Variants in MTA3 observed in about 807,000 individuals in gnomAD.
MTA3 encodes metastasis-associated protein MTA3.
A neutral mutation model predicts 83.5 loss-of-function variants in MTA3; 34 were observed. That is an observed-to-expected ratio of 0.41 (90% confidence interval 0.31 to 0.54). The LOEUF is 0.54. MTA3 is among the 20% of genes least tolerant of loss of function. MTA3 has a pLI of 0.33. For synonymous variants in MTA3, 303 were observed against 252.7 expected, an observed-to-expected ratio of 1.20 and a Z score of -1.89; for missense variants, 761 against 726.4, an observed-to-expected ratio of 1.05 and a Z score of -0.55.
intron 14 of MTA3, among the ~76,000 whole-genome samples, chr2:42,710,571 A>C (rs1288420137): frequency 6.6e-6 from 1 of 150,756 alleles, no homozygotes; most frequent in Non-Finnish European, 1.5e-5. Flanking sequence ...AAAAAAAAAA[A>C]AAAGAAAGTG....
chr2:42,653,455 C>G (rs995271341), intron 6 of MTA3, among the ~76,000 whole-genome samples: 2 of 152,054 alleles, frequency 1.3e-5, no homozygotes, highest in Non-Finnish European at 2.9e-5. Context: ...TAAGTTAATT[C>G]AAGAGCTTTT....
intron 16 of MTA3, among the ~76,000 whole-genome samples, chr2:42,737,822 A>T (rs1668720706): frequency 1.3e-5 from 2 of 152,230 alleles, no homozygotes. Context: ...TTTCCACCGA[A>T]TGAATACAGG....
Position 42,755,044 on chromosome 2 carries a change from A to G in MTA3, c.*1645A>G. ...TGAGGGTGGGGCCTGTGTCAGAAGC[A>G]TTTGGTGAGAGGGGTGGAGGTGGCA... On this transcript the variant is annotated 3_prime_UTR_variant, in exon 17 of 17. Transcript: ENST00000405094. 4.1e-6 allele frequency: 4 copies of G among 985,552 alleles called. No homozygotes were observed. Among genetic ancestry groups the G allele is most frequent in the Non-Finnish European group, 4.8e-6 (4 of 830,110 alleles). 61.1% of individuals were successfully genotyped at this position (985,552 alleles called of 1,614,324 possible). A position where few individuals can be genotyped will look rare whatever the true frequency, so the allele number is the denominator to read the frequency against.
At chr2:42,738,931 C>T (rs1668814404) in intron 16 of MTA3, among the ~76,000 whole-genome samples, 1 of 152,160 alleles carries the variant, frequency 6.6e-6, no homozygotes, top group African/African-American at 2.4e-5. Flanking sequence ...GATCTCAAAA[C>T]CCTGTCTCCT....
intron 15 of MTA3, 82 bp downstream of exon 15, chr2:42,719,156 C>G: frequency 9.8e-7 from 1 of 1,015,524 alleles, no homozygotes; most frequent in Admixed American, 2.1e-5. Flanking sequence ...ATGGACATAC[C>G]TAAACTAATT....
At chr2:42,734,519 T>C (rs1175028118) in intron 16 of MTA3, among the ~76,000 whole-genome samples, 3 of 150,948 alleles carry the variant, frequency 2.0e-5, no homozygotes, top group Non-Finnish European at 3.0e-5. Context: ...TTATGTCTTT[T>C]GGTTGGAGAG....
chr2:42,561,957 C>G (rs1203401378), intron 2 of MTA3, among the ~76,000 whole-genome samples: 1 of 152,152 alleles, frequency 6.6e-6, no homozygotes, highest in African/African-American at 2.4e-5. Context: ...CATTCTCTCA[C>G]AGTTCTACAG....
At chr2:42,538,430 G>A (rs977002305) in intron 2 of MTA3, among the ~76,000 whole-genome samples, 10 of 150,620 alleles carry the variant, frequency 6.6e-5, no homozygotes, top group African/African-American at 2.2e-4. Context: ...ATGTTAGGCC[G>A]GGTGCGGTGG....
At chr2:42,590,932 G>C (rs1381253116) in intron 3 of MTA3, among the ~76,000 whole-genome samples, 11 of 152,026 alleles carry the variant, frequency 7.2e-5, no homozygotes, top group Non-Finnish European at 1.3e-4. Flanking sequence ...CACACTTTGA[G>C]GTACTGTAAT....
intron 2 of MTA3, chr2:42,532,805 C>T: frequency 2.6e-6 from 1 of 383,972 alleles, no homozygotes; most frequent in African/African-American, 2.1e-5. Context: ...GCTCGGGCTC[C>T]TTCCCATTGG....
intron 3 of MTA3, among the ~76,000 whole-genome samples, chr2:42,596,271 A>G (rs1273105148): frequency 6.6e-6 from 1 of 152,194 alleles, no homozygotes; most frequent in Non-Finnish European, 1.5e-5. Flanking sequence ...CCAGGGCCCA[A>G]CCAAGATACT....
At chr2:42,629,342 G>A (rs1054378626) in intron 4 of MTA3, among the ~76,000 whole-genome samples, 2 of 152,096 alleles carry the variant, frequency 1.3e-5, no homozygotes, top group Non-Finnish European at 2.9e-5. Context: ...GCCTCCCAAA[G>A]TGCTGGGATT....
Position 42,640,244 on chromosome 2 carries a change from ACAAT to A in MTA3, c.381+11_381+14del, listed in dbSNP as rs1687587824. The A allele has an allele frequency of 6.3e-7, 1 of 1,593,512 alleles. No homozygotes were observed. The highest frequency in any genetic ancestry group is 2.2e-5 in the East Asian group (1 of 44,592). On this transcript the variant is annotated intron_variant, in intron 5 of 16. Coordinates refer to ENST00000405094, the MANE Select transcript of MTA3 (RefSeq NM_001330442.2). ...TCATATCTTGATAAGGAGGTAATTCACAATCATAGTTGTTTTGTTTTTTTCTCCC... is the reference window on the plus strand; with the variant it reads ...TCATATCTTGATAAGGAGGTAATTCACATAGTTGTTTTGTTTTTTTCTCCC...
At chr2:42,718,133 C>T (rs886269049) in intron 14 of MTA3, among the ~76,000 whole-genome samples, 3 of 135,750 alleles carry the variant, frequency 2.2e-5, no homozygotes, top group Non-Finnish European at 4.6e-5. Context: ...TAGGGGTTAA[C>T]GAGTTCTTTT....
At position 42,714,637 on chromosome 2, in the gene MTA3, T is replaced by C. The variant is rs182267082; in HGVS notation, c.1526-4351T>C. 1.9e-4 allele frequency among the ~76,000 whole-genome samples: 29 copies of C among 152,304 alleles called. No homozygotes were observed. The East Asian group carries it at 4.2e-3, about 22-fold the overall frequency. Reference sequence around the variant, plus strand: ...TTTCTAGGTTAACCCCAAGGAAATATAGATCATCCTCTAGGACAGTGGTCC... The same window carrying C: ...TTTCTAGGTTAACCCCAAGGAAATACAGATCATCCTCTAGGACAGTGGTCC... On this transcript the variant is annotated intron_variant, in intron 14 of 16. Transcript: ENST00000405094.
At chr2:42,629,183 A>C (rs1215643597) in intron 4 of MTA3, among the ~76,000 whole-genome samples, 2 of 152,116 alleles carry the variant, frequency 1.3e-5, no homozygotes, top group Admixed American at 1.3e-4. Context: ...AGGTTCAAGC[A>C]ATTCTCCTGC....
chr2:42,555,858 G>A (rs1339519174), intron 2 of MTA3, among the ~76,000 whole-genome samples: 1 of 152,036 alleles, frequency 6.6e-6, no homozygotes, highest in East Asian at 1.9e-4. Context: ...GATCACCTGA[G>A]GTCAGGAGTT....
intron 12 of MTA3, 118 bp downstream of exon 12, chr2:42,704,436 C>G (rs1665888675): frequency 8.4e-7 from 1 of 1,192,940 alleles, no homozygotes; most frequent in African/African-American, 1.5e-5. Flanking sequence ...AAGCATGTCT[C>G]CTCTAAATGA....
At chr2:42,549,486 A>G (rs1161385119) in intron 2 of MTA3, among the ~76,000 whole-genome samples, 1 of 37,334 alleles carries the variant, frequency 2.7e-5, no homozygotes, top group Non-Finnish European at 3.7e-5. Flanking sequence ...TATATATTTA[A>G]ATTATATATT....
Sources: gnomAD v4.1 joint callset for allele counts (sites outside exome capture counted in the v4.1 genomes callset) on GRCh38, gnomAD v4.1.1 for gene constraint, MANE v1.5 for transcripts, NCBI Gene and HGNC (gene_info 2026-07-23, HGNC 2026-07-21) for gene names.